OR1L8: variants seen among roughly 807,000 people sequenced by gnomAD.
OR1L8 encodes olfactory receptor family 1 subfamily L member 8, also known as olfactory receptor 1L8.
For synonymous variants in OR1L8, 148 were observed against 147.0 expected (o/e 1.01, Z -0.05); for missense variants, 330 against 377.4 (o/e 0.87, Z 1.04).
chr9:122,582,985 G>A (rs1829757143), intron 1 of OR1L8, among the ~76,000 whole-genome samples: 4 of 151,596 alleles, frequency 2.6e-5, no homozygotes, highest in Admixed American at 2.6e-4. Context: ...AGCAGAGAGA[G>A]AATATAAAAG....
At chr9:122,552,797 T>TGTGTGTGTGTGTGTGTGTGTGTG in the OR1L8 span, among the ~76,000 whole-genome samples, 2 of 135,296 alleles carry the variant, frequency 1.5e-5, no homozygotes, top group Admixed American at 7.6e-5. Context: ...TGTGTGTGTG[T>TGTGTGTGTGTGTGTGTGTGTGTG]TGGAGGAGGG....
chr9:122,576,329 C>T (rs1829655513), intron 3 of OR1L8, among the ~76,000 whole-genome samples: 2 of 151,996 alleles, frequency 1.3e-5, no homozygotes, highest in South Asian at 2.1e-4. Flanking sequence ...TCAAGCAATT[C>T]TCCTGGCTCA....
At chr9:122,550,277 A>G in the OR1L8 span, among the ~76,000 whole-genome samples, 1 of 152,148 alleles carries the variant, frequency 6.6e-6, no homozygotes, top group Non-Finnish European at 1.5e-5. Context: ...AACAACAACA[A>G]AAAGCCCAGG....
rs754821071 is a variant in OR1L8, at chr9:122,567,525, C to A, written c.*23G>T. On this transcript the variant is annotated 3_prime_UTR_variant, in exon 5 of 5. Transcript: ENST00000641027. ...GTCCAAGTTGAGCAGATTCCACTTA[C>A]GAGTTTTTCAAGAGGGTGCTTCCTA... The A allele has an allele frequency of 1.9e-5, 28 of 1,509,724 alleles. No homozygotes were observed. The highest frequency in any genetic ancestry group is 4.5e-5 in the East Asian group (2 of 44,374). The allele number at this position is 1,509,724 out of a possible 1,614,324, so 93.5% of individuals were successfully genotyped here.
At chr9:122,549,258 A>G in the OR1L8 span, among the ~76,000 whole-genome samples, 1 of 152,106 alleles carries the variant, frequency 6.6e-6, no homozygotes, top group East Asian at 1.9e-4. Context: ...CTCTTGCCAT[A>G]TGATATGCTG....
At chr9:122,572,130 A>T (rs1036609970) in intron 4 of OR1L8, among the ~76,000 whole-genome samples, 1 of 152,100 alleles carries the variant, frequency 6.6e-6, no homozygotes, top group African/African-American at 2.4e-5. Flanking sequence ...GTGAAAACTC[A>T]CTCACTAACA....
rs1158282536 is a variant in OR1L8 at position 122,568,088 on chromosome 9, A to G, written c.390T>C (p.Pro130=). 3 of 1,614,072 alleles carry G rather than the reference A, an allele frequency of 1.9e-6. No homozygotes were observed. The highest frequency in any genetic ancestry group is 1.7e-5 in the Admixed American group (1 of 60,018). Reference sequence around the variant, plus strand: ...GGCTCATGGTGGTGACATAGTGGAAAGGGTCACAGACGGCCACATAGCGGT... The same window carrying G: ...GGCTCATGGTGGTGACATAGTGGAAGGGGTCACAGACGGCCACATAGCGGT... ...AFDRYVAVCD[P]FHYVTTMSHH... Residue 130 remains proline, a synonymous_variant, in exon 5 of 5, where the codon CCT becomes CCC. Coordinates refer to ENST00000641027, the MANE Select transcript of OR1L8 (RefSeq NM_001004454.2).
At position 122,567,399 on chromosome 9, in the gene OR1L8, C is replaced by G. The variant is rs905918177; in HGVS notation, c.*149G>C. The G allele has an allele frequency of 3.5e-6, 2 of 564,216 alleles. No individual in the cohort carries two copies. The highest frequency in any genetic ancestry group is 6.2e-6 in the Non-Finnish European group (2 of 325,170). The allele number at this position is 564,216 out of a possible 1,614,324, so 35.0% of individuals were successfully genotyped here. On this transcript the variant is annotated 3_prime_UTR_variant, in exon 5 of 5. Transcript: ENST00000641027. ...GATACAGGCCGAATTGTTGGGTCAT[C>G]ATCAATGGATGTAAGTGCCCACAAT...
Position 122,567,261 on chromosome 9 carries a change from A to G in OR1L8, c.*287T>C, listed in dbSNP as rs895744131. 12 of 269,010 alleles carry G rather than the reference A, an allele frequency of 4.5e-5. No individual in the cohort carries two copies. The allele number at this position is 269,010 out of a possible 1,614,324, so 16.7% of individuals were successfully genotyped here. ...AAAAGGAGAGAAATTTGTTTAGGAA[A>G]TATTCATGGGGAAAGGATTAGATTA... On this transcript the variant is annotated 3_prime_UTR_variant, in exon 5 of 5. Transcript: ENST00000641027.
the OR1L8 span, among the ~76,000 whole-genome samples, chr9:122,546,860 G>A: frequency 1.3e-5 from 2 of 152,038 alleles, no homozygotes; most frequent in East Asian, 1.9e-4. Flanking sequence ...TATTCGGGGG[G>A]TACATAGTGA....
At chr9:122,553,496 CTCG>C in the OR1L8 span, 1 of 1,613,960 alleles carries the variant, frequency 6.2e-7, no homozygotes, top group Non-Finnish European at 8.5e-7. Context: ...GTCAGATCAT[CTCG>C]TATTCTGGGT....
At chr9:122,551,574 G>A in the OR1L8 span, among the ~76,000 whole-genome samples, 2 of 152,184 alleles carry the variant, frequency 1.3e-5, no homozygotes, top group Non-Finnish European at 2.9e-5. Context: ...ATAGGCAGGA[G>A]TTCCCAGGTG....
rs144423644 is a variant in OR1L8, at chr9:122,571,043, A to G, written c.-213+1737T>C. 9.1e-3 allele frequency among the ~76,000 whole-genome samples: 1,386 copies of G among 152,338 alleles called. 15 individuals carry two copies. Among genetic ancestry groups the G allele is most frequent in the Non-Finnish European group, 0.016 (1,084 of 68,034 alleles). On this transcript the variant is annotated intron_variant, in intron 4 of 4. Coordinates refer to ENST00000641027, the MANE Select transcript of OR1L8 (RefSeq NM_001004454.2). Reference sequence around the variant, plus strand: ...TTGGTAAAGCTATACATATCTTACAATCGTGCATTGGTGCTATGTTTTCCT... The same window carrying G: ...TTGGTAAAGCTATACATATCTTACAGTCGTGCATTGGTGCTATGTTTTCCT...
the OR1L8 span, among the ~76,000 whole-genome samples, chr9:122,552,075 T>TGTCACA: frequency 1.4e-5 from 2 of 141,276 alleles, no homozygotes; most frequent in South Asian, 2.4e-4. Context: ...TCTCTCTCTC[T>TGTCACA]CTCTCACACA....
At chr9:122,573,074 A>G (rs1303919489) in intron 3 of OR1L8, among the ~76,000 whole-genome samples, 166 bp from the exon 4 acceptor site, 1 of 152,224 alleles carries the variant, frequency 6.6e-6, no homozygotes, top group Non-Finnish European at 1.5e-5. Flanking sequence ...CTCAAGTGGC[A>G]AGGACTCTTT....
At chr9:122,580,337 G>C (rs1376590310) in intron 1 of OR1L8, among the ~76,000 whole-genome samples, 3 of 152,138 alleles carry the variant, frequency 2.0e-5, no homozygotes, top group Non-Finnish European at 4.4e-5. Flanking sequence ...TTTATTTCTA[G>C]CCTTCGACGT....
intron 4 of OR1L8, among the ~76,000 whole-genome samples, chr9:122,572,012 G>C (rs995214433): frequency 1.3e-5 from 2 of 152,170 alleles, no homozygotes; most frequent in Admixed American, 1.3e-4. Flanking sequence ...GAGGCCTCAG[G>C]AAACTTTTAT....
At chr9:122,581,986 CAA>C (rs1262331110) in intron 1 of OR1L8, among the ~76,000 whole-genome samples, 2 of 152,072 alleles carry the variant, frequency 1.3e-5, no homozygotes, top group Admixed American at 6.6e-5. Flanking sequence ...TCACAAGAAA[CAA>C]GAGACAAAGC....
chr9:122,574,941 A>G (rs1475134627), intron 3 of OR1L8, among the ~76,000 whole-genome samples: 1 of 152,070 alleles, frequency 6.6e-6, no homozygotes, highest in East Asian at 1.9e-4. Context: ...ATTTTTCTGC[A>G]TCTATTTATG....
Sources: allele counts gnomAD v4.1 joint callset (sites outside exome capture counted in the v4.1 genomes callset), GRCh38; gene constraint gnomAD v4.1.1; transcripts MANE v1.5; gene names NCBI Gene and HGNC (gene_info 2026-07-23, HGNC 2026-07-21).